Variants in SPSB4 observed in about 807,000 individuals in gnomAD.
SPSB4 encodes the protein splA/ryanodine receptor domain and SOCS box containing 4, also known as SPRY domain-containing SOCS box protein 4.
A neutral mutation model predicts 20.9 loss-of-function variants in SPSB4; 21 were observed. The ratio of observed to expected loss-of-function variants is 1.01; its 90% CI spans 0.71 to 1.45. The LOEUF is 1.45. Among genes scored for constraint, SPSB4 ranks in the 40% most tolerant of loss-of-function variants. The probability of loss-of-function intolerance (pLI) is 0.00; values close to 1 mark genes in which losing one functional copy is unlikely to be tolerated. For missense variants in SPSB4, 399 were observed against 399.2 expected, an observed-to-expected ratio of 1.00 and a Z score of 0.00; for synonymous variants, 207 against 183.8, an observed-to-expected ratio of 1.13 and a Z score of -1.02.
intron 1 of SPSB4, among the ~76,000 whole-genome samples, chr3:141,059,355 T>G (rs1937720092): frequency 6.6e-6 from 1 of 152,198 alleles, no homozygotes; most frequent in Admixed American, 6.5e-5. Context: ...AGAAGTTTAG[T>G]TGGCTCACGG....
At chr3:141,059,419 G>A (rs1937722016) in intron 1 of SPSB4, among the ~76,000 whole-genome samples, 1 of 151,436 alleles carries the variant, frequency 6.6e-6, no homozygotes, top group Non-Finnish European at 1.5e-5. Context: ...CTTCTAGAGA[G>A]GCCTCAGGAA....
rs367931789 is a variant in SPSB4 at position 141,147,567 on chromosome 3, C to T, written c.*298C>T. Reference sequence around the variant, plus strand: ...CCACCAACCAGGACACAGCAGCCACCGTATTGATCAGAGAGCCTGTTTCCT... The same window carrying T: ...CCACCAACCAGGACACAGCAGCCACTGTATTGATCAGAGAGCCTGTTTCCT... On this transcript the variant is annotated 3_prime_UTR_variant, in exon 3 of 3. Coordinates refer to ENST00000310546, the MANE Select transcript of SPSB4 (RefSeq NM_080862.3). 2.6e-5 allele frequency: 9 copies of T among 348,956 alleles called. No homozygotes were observed. In the East Asian group the frequency reaches 2.9e-4, roughly 11 times the overall value. The allele number at this position is 348,956 out of a possible 1,614,324, so 21.6% of individuals were successfully genotyped here.
At chr3:141,120,279 GAC>G (rs1440098678) in intron 2 of SPSB4, among the ~76,000 whole-genome samples, 3 of 152,216 alleles carry the variant, frequency 2.0e-5, no homozygotes, top group African/African-American at 7.2e-5. Flanking sequence ...TGGTCTGAGA[GAC>G]AGTTTGTTGT....
chr3:141,138,233 T>G (rs906587841), intron 2 of SPSB4, among the ~76,000 whole-genome samples: 3 of 152,246 alleles, frequency 2.0e-5, no homozygotes, highest in Non-Finnish European at 4.4e-5. Flanking sequence ...CTTTTCTTCT[T>G]CATTAGTCTT....
At chr3:141,086,198 T>A (rs1290852717) in intron 2 of SPSB4, among the ~76,000 whole-genome samples, 1 of 152,250 alleles carries the variant, frequency 6.6e-6, no homozygotes, top group Non-Finnish European at 1.5e-5. Flanking sequence ...TCCTGCTGTG[T>A]GTCACAGCCC....
intron 1 of SPSB4, among the ~76,000 whole-genome samples, chr3:141,065,261 C>T (rs1937841460): frequency 1.3e-5 from 2 of 152,196 alleles, no homozygotes; most frequent in African/African-American, 4.8e-5. Context: ...TTCACCTTCC[C>T]ATGGAGCTCT....
At chr3:141,088,477 A>C (rs888474797) in intron 2 of SPSB4, among the ~76,000 whole-genome samples, 3 of 152,210 alleles carry the variant, frequency 2.0e-5, no homozygotes, top group Non-Finnish European at 4.4e-5. Context: ...GGGTGCCCCC[A>C]CCACATCCTC....
chr3:141,139,808 T>A (rs1445060996), intron 2 of SPSB4, among the ~76,000 whole-genome samples: 2 of 152,214 alleles, frequency 1.3e-5, no homozygotes, highest in Non-Finnish European at 2.9e-5. Context: ...CTGACAATTA[T>A]GTGTCTTGGA....
At chr3:141,134,035 C>CTTTTTTTTTTTTTTTTTTTTTTTT (rs1348749217) in intron 2 of SPSB4, among the ~76,000 whole-genome samples, 52 of 46,704 alleles carry the variant, frequency 1.1e-3, no homozygotes, top group South Asian at 1.9e-3. Flanking sequence ...TTTTTCTTTT[C>CTTTTTTTTTTTTTTTTTTTTTTTT]TTTTTTTTTT....
intron 2 of SPSB4, among the ~76,000 whole-genome samples, chr3:141,075,867 C>T (rs9844927): frequency 0.19 from 25,821 of 138,638 alleles, 2,538 homozygotes; most frequent in East Asian, 0.33. Flanking sequence ...TCCAACACGA[C>T]GAAACCCTGT....
At chr3:141,112,029 C>T (rs1469049487) in intron 2 of SPSB4, among the ~76,000 whole-genome samples, 1 of 152,170 alleles carries the variant, frequency 6.6e-6, no homozygotes, top group Non-Finnish European at 1.5e-5. Flanking sequence ...TTGGAGAAAA[C>T]CCGCCCTTCT....
At position 141,111,408 on chromosome 3, in the gene SPSB4, T is replaced by A. The variant is rs74405701; in HGVS notation, c.695-35734T>A. The stretch of plus-strand genomic sequence containing the variant: ...TAAGGGACAATGGTCCTGTAGTACT[T>A]CCCTCATGGGGTCATCATAAGGATT... On this transcript the variant is annotated intron_variant, in intron 2 of 2. Coordinates refer to ENST00000310546, the MANE Select transcript of SPSB4 (RefSeq NM_080862.3). 4.5e-3 allele frequency among the ~76,000 whole-genome samples: 647 copies of A among 142,380 alleles called. 6 individuals carry two copies. The highest frequency in any genetic ancestry group is 0.016 in the African/African-American group (607 of 37,972). 93.4% of individuals were successfully genotyped at this position (142,380 alleles called of 152,430 possible).
chr3:141,085,407 C>A, intron 2 of SPSB4, among the ~76,000 whole-genome samples: 1 of 152,194 alleles, frequency 6.6e-6, no homozygotes, highest in Non-Finnish European at 1.5e-5. Context: ...CTGCCTGCTG[C>A]TCCACCTTCC....
intron 2 of SPSB4, among the ~76,000 whole-genome samples, chr3:141,120,371 G>C (rs1015212410): frequency 1.3e-5 from 2 of 152,192 alleles, no homozygotes; most frequent in African/African-American, 4.8e-5. Flanking sequence ...GTGATGTGGT[G>C]CTGAGAAGAA....
chr3:141,066,424 G>C lies in SPSB4; in HGVS notation c.320G>C (p.Arg107Pro). The part of the protein sequence containing the change: ...LHAWQINWPA[R>P]QRGTHAVVGV... ...GCCTGGCAGATCAACTGGCCGGCTCGGCAGCGCGGCACCCACGCTGTAGTT... is the reference window on the plus strand; with the variant it reads ...GCCTGGCAGATCAACTGGCCGGCTCCGCAGCGCGGCACCCACGCTGTAGTT... Residue 107 changes from arginine (R) to proline (P), a missense_variant, in exon 2 of 3, where the codon CGG becomes CCG. Physicochemically the swap from Arg to Pro is moderately radical, Grantham distance 103. Coordinates refer to ENST00000310546, the MANE Select transcript of SPSB4 (RefSeq NM_080862.3). 6.6e-7 allele frequency: 1 copy of C among 1,517,158 alleles called. No homozygotes were observed. Among genetic ancestry groups the C allele is most frequent in the Non-Finnish European group, 8.8e-7 (1 of 1,133,964 alleles). The allele number at this position is 1,517,158 out of a possible 1,614,324, so 94.0% of individuals were successfully genotyped here. A position where few individuals can be genotyped will look rare whatever the true frequency, so the allele number is the denominator to read the frequency against.
intron 2 of SPSB4, among the ~76,000 whole-genome samples, chr3:141,107,184 T>A (rs964337149): frequency 6.6e-6 from 1 of 152,220 alleles, no homozygotes; most frequent in African/African-American, 2.4e-5. Context: ...CCAAGGGATC[T>A]GAAATGTTTT....
intron 2 of SPSB4, among the ~76,000 whole-genome samples, chr3:141,116,876 C>G (rs1938887735): frequency 6.6e-6 from 1 of 152,206 alleles, no homozygotes; most frequent in African/African-American, 2.4e-5. Flanking sequence ...GCCTCTGCTT[C>G]TGATGAGAAG....
intron 2 of SPSB4, among the ~76,000 whole-genome samples, chr3:141,139,635 C>G (rs1417453476): frequency 6.6e-6 from 1 of 152,178 alleles, no homozygotes; most frequent in Non-Finnish European, 1.5e-5. Context: ...GTTGAAAATT[C>G]TTTTCTTTAA....
chr3:141,079,805 G>C (rs1938192731), intron 2 of SPSB4, among the ~76,000 whole-genome samples: 1 of 152,178 alleles, frequency 6.6e-6, no homozygotes, highest in African/African-American at 2.4e-5. Flanking sequence ...TTTGGGGGAG[G>C]GGCATTTAAG....
Sources: allele counts gnomAD v4.1 joint callset (sites outside exome capture counted in the v4.1 genomes callset), GRCh38; gene constraint gnomAD v4.1.1; transcripts MANE v1.5; gene names NCBI Gene and HGNC (gene_info 2026-07-23, HGNC 2026-07-21).